SEMA6D: variants seen among roughly 807,000 people sequenced by gnomAD.
The protein encoded by SEMA6D is semaphorin-6D.
In SEMA6D, 35 loss-of-function variants were observed where a neutral mutation model predicts 106.6. That is an observed-to-expected ratio of 0.33 (90% CI 0.25 to 0.44). The LOEUF is 0.44. Among genes scored for constraint, SEMA6D ranks in the 20% least tolerant of loss-of-function variants. The probability of loss-of-function intolerance (pLI) is 1.00; values close to 1 mark genes in which losing one functional copy is unlikely to be tolerated. For synonymous variants in SEMA6D, 499 were observed against 487.7 expected, an observed-to-expected ratio of 1.02 and a Z score of -0.31; for missense variants, 1,185 against 1,345.9, an observed-to-expected ratio of 0.88 and a Z score of 1.87.
intron 4 of SEMA6D, among the ~76,000 whole-genome samples, chr15:47,625,229 C>T (rs1166551638): frequency 1.3e-5 from 2 of 152,094 alleles, no homozygotes; most frequent in Admixed American, 1.3e-4. Flanking sequence ...ACCCAGTACC[C>T]AGCTTATGGC....
At position 47,768,584 on chromosome 15, in the gene SEMA6D, T is replaced by C. The variant is rs373232228; in HGVS notation, c.1769T>C (p.Met590Thr). 6.2e-7 allele frequency: 1 copy of C among 1,608,888 alleles called. No homozygotes were observed. The highest frequency in any genetic ancestry group is 8.5e-7 in the Non-Finnish European group (1 of 1,176,602). Reference sequence around the variant, plus strand: ...AAAAATCTGTTTGCCACCACAGACATGGAGGTATCTTCATCTTCTGTTACC... The same window carrying C: ...AAAAATCTGTTTGCCACCACAGACACGGAGGTATCTTCATCTTCTGTTACC... ...YKIFGGPTSD[M>T]EVSSSSVTTM... is the part of the protein sequence containing the mutation. The change falls in exon 18 of 19, where the codon ATG becomes ACG. Residue 590 changes from methionine (M) to threonine (T), a missense_variant. This residue lies in a region of SEMA6D where 750 missense variants were observed against 783.5 expected (regional missense o/e 0.96). Coordinates refer to ENST00000536845, the MANE Select transcript of SEMA6D (RefSeq NM_001358351.3).
intron 4 of SEMA6D, among the ~76,000 whole-genome samples, chr15:47,708,560 C>G (rs2078957430): frequency 6.6e-6 from 1 of 152,202 alleles, no homozygotes; most frequent in African/African-American, 2.4e-5. Flanking sequence ...GATGTTAACT[C>G]TTTGTACATC....
chr15:47,640,720 G>T (rs1250309687), intron 4 of SEMA6D, among the ~76,000 whole-genome samples: 1 of 152,168 alleles, frequency 6.6e-6, no homozygotes, highest in East Asian at 1.9e-4. Context: ...TGAAGCAAAA[G>T]TGTTGTTATA....
chr15:47,201,774 A>G (rs1894739863), intron 1 of SEMA6D, among the ~76,000 whole-genome samples: 1 of 152,160 alleles, frequency 6.6e-6, no homozygotes, highest in Non-Finnish European at 1.5e-5. Context: ...GGAATGCTGG[A>G]CAATTGATTT....
At chr15:47,451,001 C>G (rs962054726) in intron 2 of SEMA6D, among the ~76,000 whole-genome samples, 1 of 151,988 alleles carries the variant, frequency 6.6e-6, no homozygotes, top group East Asian at 1.9e-4. Context: ...CAGGGAAGAA[C>G]AAAGTGTTAT....
At chr15:47,516,160 C>T (rs532686035) in intron 3 of SEMA6D, among the ~76,000 whole-genome samples, 48 of 152,272 alleles carry the variant, frequency 3.2e-4, no homozygotes, top group African/African-American at 1.0e-3. Context: ...TGACTCTGCA[C>T]ATCCTGGTTT....
chr15:47,631,534 C>G (rs568029667), intron 4 of SEMA6D, among the ~76,000 whole-genome samples: 1 of 151,850 alleles, frequency 6.6e-6, no homozygotes, highest in East Asian at 1.9e-4. Context: ...GGGAGATTAT[C>G]CTGGACTATA....
chr15:47,206,955 A>G (rs770320938), intron 1 of SEMA6D, among the ~76,000 whole-genome samples: 5 of 152,158 alleles, frequency 3.3e-5, no homozygotes, highest in African/African-American at 7.2e-5. Context: ...GCCTTAAAAA[A>G]CAAATAAGAG....
intron 1 of SEMA6D, among the ~76,000 whole-genome samples, chr15:47,205,211 A>G (rs1040860273): frequency 1.3e-5 from 2 of 152,126 alleles, no homozygotes. Context: ...ATTTTGTTGA[A>G]AGTATGCTAC....
chr15:47,222,890 A>G (rs555941253), intron 1 of SEMA6D, among the ~76,000 whole-genome samples: 1 of 152,288 alleles, frequency 6.6e-6, no homozygotes, highest in Non-Finnish European at 1.5e-5. Flanking sequence ...GGATGAATAA[A>G]TGAGGTGCAA....
At chr15:47,326,897 A>AT (rs1192585958) in intron 1 of SEMA6D, among the ~76,000 whole-genome samples, 3 of 152,200 alleles carry the variant, frequency 2.0e-5, no homozygotes, top group African/African-American at 7.2e-5. Context: ...AAAATTCTAA[A>AT]TACATAGCTC....
At chr15:47,749,763 A>G (rs1196422912) in intron 1 of SEMA6D, among the ~76,000 whole-genome samples, 1 of 152,100 alleles carries the variant, frequency 6.6e-6, no homozygotes, top group Non-Finnish European at 1.5e-5. Context: ...GGGATTAGTG[A>G]ATTGGTGGTA....
intron 1 of SEMA6D, among the ~76,000 whole-genome samples, chr15:47,719,580 G>C (rs1260994020): frequency 6.6e-6 from 1 of 152,160 alleles, no homozygotes; most frequent in Non-Finnish European, 1.5e-5. Context: ...TTATTCCAAA[G>C]CTGAAGTCCC....
intron 4 of SEMA6D, among the ~76,000 whole-genome samples, chr15:47,609,777 CCCAGGTGATA>C (rs1390412507): frequency 6.6e-6 from 1 of 152,168 alleles, no homozygotes; most frequent in Non-Finnish European, 1.5e-5. Context: ...CCCAGGCACT[CCCAGGTGATA>C]CCGCATGTGT....
chr15:47,454,963 T>C (rs558785548), intron 2 of SEMA6D, among the ~76,000 whole-genome samples: 10 of 151,884 alleles, frequency 6.6e-5, no homozygotes, highest in Admixed American at 3.9e-4. Context: ...TTTTCCACTC[T>C]ATGATAGAAG....
chr15:47,364,589 A>C (rs1192047705), intron 1 of SEMA6D, among the ~76,000 whole-genome samples: 1 of 152,216 alleles, frequency 6.6e-6, no homozygotes, highest in Non-Finnish European at 1.5e-5. Context: ...ACCAACATAG[A>C]ATGCAACATA....
chr15:47,459,660 A>G (rs2042442017), intron 2 of SEMA6D, among the ~76,000 whole-genome samples: 1 of 152,114 alleles, frequency 6.6e-6, no homozygotes, highest in Non-Finnish European at 1.5e-5. Context: ...GGAAATATTT[A>G]AAATTAAAAA....
chr15:47,474,468 T>C (rs1442669602), intron 3 of SEMA6D, among the ~76,000 whole-genome samples: 1 of 152,232 alleles, frequency 6.6e-6, no homozygotes, highest in African/African-American at 2.4e-5. Flanking sequence ...AAAGGGTATG[T>C]GGCATTAAGT....
intron 3 of SEMA6D, among the ~76,000 whole-genome samples, chr15:47,575,457 T>C (rs545650967): frequency 4.6e-5 from 7 of 152,172 alleles, no homozygotes; most frequent in Admixed American, 1.3e-4. Flanking sequence ...AAGTCTGTCA[T>C]GCCTGTAATC....
Sources: allele counts gnomAD v4.1 joint callset (sites outside exome capture counted in the v4.1 genomes callset), GRCh38; gene constraint gnomAD v4.1.1; regional missense constraint gnomAD v4.1.1; transcripts MANE v1.5; gene names NCBI Gene and HGNC (gene_info 2026-07-23, HGNC 2026-07-21).